DSCAM: variants seen among roughly 807,000 people sequenced by gnomAD.
The protein encoded by DSCAM is DS cell adhesion molecule.
A neutral mutation model predicts 217.7 loss-of-function variants in DSCAM; 47 were observed. That is an observed-to-expected ratio of 0.22 (90% CI 0.17 to 0.28). The LOEUF is 0.28. DSCAM is among the 10% of genes least tolerant of loss of function. DSCAM has a pLI of 1.00. For missense variants in DSCAM, 2,080 were observed against 2,618.3 expected (o/e 0.79, Z 4.49); for synonymous variants, 1,056 against 1,015.3 (o/e 1.04, Z -0.76).
At chr21:40,283,345 A>C (rs941915766) in intron 10 of DSCAM, among the ~76,000 whole-genome samples, 1 of 152,244 alleles carries the variant, frequency 6.6e-6, no homozygotes, top group Admixed American at 6.5e-5. Context: ...AGCAGGGGTC[A>C]AGTGGGGACA....
chr21:40,486,318 C>T (rs1370359179), intron 3 of DSCAM, among the ~76,000 whole-genome samples: 2 of 152,192 alleles, frequency 1.3e-5, no homozygotes, highest in Admixed American at 1.3e-4. Flanking sequence ...CTGGCTGGTC[C>T]TTCCCCTCTT....
intron 4 of DSCAM, among the ~76,000 whole-genome samples, chr21:40,361,056 T>C (rs2074757907): frequency 6.6e-6 from 1 of 152,094 alleles, no homozygotes; most frequent in Non-Finnish European, 1.5e-5. Context: ...ATATCAAATC[T>C]GAATAACCGA....
At chr21:40,842,437 C>A (rs1408642526) in intron 1 of DSCAM, among the ~76,000 whole-genome samples, 1 of 152,238 alleles carries the variant, frequency 6.6e-6, no homozygotes, top group Non-Finnish European at 1.5e-5. Flanking sequence ...CATTCATAAT[C>A]TTACCCGTAG....
At chr21:40,615,281 C>CAAAAAAAAAAAAAAAAAA (rs34306422) in intron 3 of DSCAM, 1 of 84,048 alleles carries the variant, frequency 1.2e-5, no homozygotes, top group Non-Finnish European at 2.3e-5. Flanking sequence ...GACTCTGTCT[C>CAAAAAAAAAAAAAAAAAA]AAAAAAAAAA....
chr21:40,644,130 C>T (rs2089916103), intron 3 of DSCAM, among the ~76,000 whole-genome samples: 1 of 152,212 alleles, frequency 6.6e-6, no homozygotes, highest in Non-Finnish European at 1.5e-5. Flanking sequence ...CCTAGAGAAA[C>T]AGATTTCACA....
At chr21:40,695,355 C>T (rs563970138) in intron 2 of DSCAM, among the ~76,000 whole-genome samples, 1 of 152,192 alleles carries the variant, frequency 6.6e-6, no homozygotes, top group South Asian at 2.1e-4. Flanking sequence ...GTCCAGTGTC[C>T]TAGGAAACCC....
At chr21:40,733,660 G>A (rs2091035217) in intron 1 of DSCAM, among the ~76,000 whole-genome samples, 1 of 152,196 alleles carries the variant, frequency 6.6e-6, no homozygotes, top group Non-Finnish European at 1.5e-5. Context: ...ACTTATCAGA[G>A]AGGTGAGTTT....
At chr21:40,807,487 A>C (rs563579684) in intron 1 of DSCAM, among the ~76,000 whole-genome samples, 1 of 152,166 alleles carries the variant, frequency 6.6e-6, no homozygotes, top group African/African-American at 2.4e-5. Flanking sequence ...GGCGAGGGGG[A>C]GGACAGGCTT....
chr21:40,559,752 T>C (rs907209926), intron 3 of DSCAM, among the ~76,000 whole-genome samples: 3 of 151,732 alleles, frequency 2.0e-5, no homozygotes, highest in African/African-American at 7.3e-5. Context: ...TCCCTCTCTG[T>C]AACGGCTGTT....
rs187163026 is a variant in DSCAM at position 40,286,146 on chromosome 21, A to T, written c.2183-9876T>A. ...CCTCCACCAGGTCAGGCTTGTGGTC[A>T]GAAGTTTTATTCTGGTGATCCACAC... On this transcript the variant is annotated intron_variant, in intron 10 of 32. Transcript: ENST00000400454. Among the ~76,000 whole-genome samples the T allele has an allele frequency of 1.4e-4, 22 of 152,134 alleles. No individual in the cohort carries two copies. In the East Asian group the frequency reaches 4.1e-3, roughly 28 times the overall value.
In DSCAM at chr21:40,473,166, A is replaced by G. The variant is rs147597888; in HGVS notation, c.509-103921T>C. 1.4e-3 allele frequency among the ~76,000 whole-genome samples: 207 copies of G among 152,360 alleles called. 5 individuals are homozygous for G. The East Asian group carries it at 0.035, about 26-fold the overall frequency. On this transcript the variant is annotated intron_variant, in intron 3 of 32. Transcript: ENST00000400454. ...CAAGCAAGAATTGCCAGCTACGGCT[A>G]GGTAACGGCTCTTAACTTTTTAAAA...
Position 40,767,325 on chromosome 21 carries a change from G to A in DSCAM, c.44-58554C>T, listed in dbSNP as rs1248076729. Among the ~76,000 whole-genome samples, 4 of 152,184 alleles carry A rather than the reference G, an allele frequency of 2.6e-5. No homozygotes were observed. In the East Asian group the frequency reaches 5.8e-4, roughly 22 times the overall value. ...TCGTAGAATTGGTGACGTGAGAATT[G>A]GGCAAAACTAGGGCACAGACAGATC... On this transcript the variant is annotated intron_variant, in intron 1 of 32. Coordinates refer to ENST00000400454, the MANE Select transcript of DSCAM (RefSeq NM_001389.5).
chr21:40,510,064 G>A (rs776356264), intron 3 of DSCAM, among the ~76,000 whole-genome samples: 10 of 152,086 alleles, frequency 6.6e-5, no homozygotes, highest in Admixed American at 1.3e-4. Context: ...GCACAGGTTT[G>A]CAGTCAGCTG....
chr21:40,125,764 A>C (rs1018240881), intron 19 of DSCAM, among the ~76,000 whole-genome samples: 1 of 152,252 alleles, frequency 6.6e-6, no homozygotes, highest in Non-Finnish European at 1.5e-5. Flanking sequence ...AACCTCTATC[A>C]GGTGAGGGTA....
chr21:40,184,821 A>T (rs66825048), intron 14 of DSCAM, among the ~76,000 whole-genome samples: 69,125 of 152,002 alleles, frequency 0.45, 19,975 homozygotes, highest in African/African-American at 0.83. Flanking sequence ...TAGTGAGGAC[A>T]CTTAGATGCT....
At chr21:40,221,295 C>A (rs1454146233) in intron 11 of DSCAM, among the ~76,000 whole-genome samples, 1 of 151,854 alleles carries the variant, frequency 6.6e-6, no homozygotes, top group East Asian at 1.9e-4. Context: ...AATCAGACAC[C>A]TGATTGGATT....
chr21:40,587,187 G>A (rs2076952931), intron 3 of DSCAM, among the ~76,000 whole-genome samples: 1 of 152,156 alleles, frequency 6.6e-6, no homozygotes, highest in South Asian at 2.1e-4. Flanking sequence ...ATATGTATCA[G>A]AGACTTTTAA....
intron 11 of DSCAM, among the ~76,000 whole-genome samples, chr21:40,243,956 C>T (rs928675478): frequency 2.6e-5 from 4 of 152,102 alleles, no homozygotes; most frequent in African/African-American, 9.7e-5. Context: ...GTCCTGTCAA[C>T]CCCAGAAAGC....
At chr21:40,718,421 T>C (rs750979277) in intron 1 of DSCAM, among the ~76,000 whole-genome samples, 3 of 152,172 alleles carry the variant, frequency 2.0e-5, no homozygotes, top group Non-Finnish European at 4.4e-5. Flanking sequence ...GGACTTACAG[T>C]TCCACATGGC....
Sources: allele counts gnomAD v4.1 joint callset (sites outside exome capture counted in the v4.1 genomes callset), GRCh38; gene constraint gnomAD v4.1.1; transcripts MANE v1.5; gene names NCBI Gene and HGNC (gene_info 2026-07-23, HGNC 2026-07-21).